The following PHLDB1 variants were observed in gnomAD, a reference collection of about 807,000 sequenced individuals.
The protein encoded by PHLDB1 is pleckstrin homology like domain family B member 1.
A neutral mutation model predicts 139.3 loss-of-function variants in PHLDB1; 65 were observed. The observed-to-expected ratio is 0.47, with a 90% CI of 0.38 to 0.57. PHLDB1 has a LOEUF of 0.57. Ranked by LOEUF, PHLDB1 falls within the 20% of genes least tolerant of loss-of-function variation. The pLI is 0.00. For synonymous variants in PHLDB1, 679 were observed against 734.5 expected (o/e 0.92, Z 1.22); for missense variants, 1,624 against 1,839.7 (o/e 0.88, Z 2.14).
At position 118,650,410 on chromosome 11, in the gene PHLDB1, T is replaced by G; in HGVS notation, c.3772-35T>G. On this transcript the variant is annotated intron_variant, in intron 19 of 22. Transcript: ENST00000600882. This position sits in a 1 kb window ranked among gnomAD's most constrained non-coding sequence, Gnocchi z 4.7. ...ACACACTTAAGGCTTAAGGGCTGCATATTTGGGTCCTTCCTTACTCCTGCT... is the reference window on the plus strand; with the variant it reads ...ACACACTTAAGGCTTAAGGGCTGCAGATTTGGGTCCTTCCTTACTCCTGCT... 1 of 1,407,608 alleles carries G rather than the reference T, an allele frequency of 7.1e-7. No individual in the cohort carries two copies. Among genetic ancestry groups the G allele is most frequent in the Non-Finnish European group, 1.0e-6 (1 of 991,316 alleles). 87.2% of individuals were successfully genotyped at this position (1,407,608 alleles called of 1,614,324 possible).
intron 1 of PHLDB1, among the ~76,000 whole-genome samples, chr11:118,612,249 G>A (rs1940590221): frequency 6.6e-6 from 1 of 151,862 alleles, no homozygotes; most frequent in South Asian, 2.1e-4. Flanking sequence ...ATAAAGTCAG[G>A]GTAGAATTTA....
At position 118,642,292 on chromosome 11, in the gene PHLDB1, G is replaced by A. The variant is rs1193051653; in HGVS notation, c.2775G>A (p.Gln925=). The change falls in exon 13 of 23, where the codon CAG becomes CAA. Residue 925 remains glutamine (Q), a synonymous_variant. Transcript: ENST00000600882. The part of the protein sequence containing the change: ...KLLLPAVDLE[Q]WYQELMAGLG... ...TGCTCCCTGCTGTAGACTTAGAGCAGTGGTACCAGGAGCTGATGGCCGGGC... is the reference window on the plus strand; with the variant it reads ...TGCTCCCTGCTGTAGACTTAGAGCAATGGTACCAGGAGCTGATGGCCGGGC... The A allele has an allele frequency of 6.2e-7, 1 of 1,613,006 alleles. No individual in the cohort carries two copies. The highest frequency in any genetic ancestry group is 1.3e-5 in the African/African-American group (1 of 74,876).
intron 22 of PHLDB1, 73 bp from the exon 23 acceptor site, chr11:118,656,610 A>T (rs748116161): frequency 2.6e-5 from 38 of 1,471,404 alleles, no homozygotes; most frequent in African/African-American, 6.9e-5. Flanking sequence ...GAAAGGGCAG[A>T]TAGGGAGGCA....
chr11:118,626,082 G>T lies in PHLDB1; in HGVS notation c.481+1023G>T, dbSNP rs115656563. Among the ~76,000 whole-genome samples the T allele has an allele frequency of 3.3e-3, 499 of 152,242 alleles. 3 individuals carry two copies. The highest frequency in any genetic ancestry group is 0.012 in the African/African-American group (479 of 41,534). ...GCATGGCAAAAGCAGGCTCTTGCTG[G>T]CATGGCTTAATGGGATAATTGGAGG... is the stretch of plus-strand genomic sequence containing the variant. On this transcript the variant is annotated intron_variant, in intron 5 of 22. Coordinates refer to ENST00000600882, the MANE Select transcript of PHLDB1 (RefSeq NM_001144758.3).
At position 118,650,461 on chromosome 11, in the gene PHLDB1, T is replaced by C. The variant is rs1948188703; in HGVS notation, c.3788T>C (p.Leu1263Ser). ...TCCTACCAGGTCTGCCGTGGCTACT[T>C]GGTCAAGATGGGCGGCAAGATTAAA... ...VLSSKVCRGYLVKMGGKIKSW... is the reference protein window; with the variant it reads ...VLSSKVCRGYSVKMGGKIKSW... The change falls in exon 20 of 23, where the codon TTG becomes TCG. Residue 1263 changes from leucine to serine, a missense_variant. Transcript: ENST00000600882. This position sits in a 1 kb window ranked among gnomAD's most constrained non-coding sequence, Gnocchi z 4.7. 6.2e-7 allele frequency: 1 copy of C among 1,613,850 alleles called. No individual in the cohort carries two copies.
Position 118,642,344 on chromosome 11 carries a change from C to T in PHLDB1, c.2827C>T (p.Pro943Ser), listed in dbSNP as rs1946702348. 5 of 1,611,764 alleles carry T rather than the reference C, an allele frequency of 3.1e-6. No individual in the cohort carries two copies. The highest frequency in any genetic ancestry group is 4.2e-6 in the Non-Finnish European group (5 of 1,179,968). ...GGGGACTGGCCCCGCTGCAGCCTCC[C>T]CTCACTCTTCTCCCCCGCCTCTGCC... ...GLGTGPAAAS[P>S]HSSPPPLPAK... Residue 943 changes from proline to serine, a missense_variant, in exon 13 of 23, where the codon CCT becomes TCT. Coordinates refer to ENST00000600882, the MANE Select transcript of PHLDB1 (RefSeq NM_001144758.3).
At chr11:118,629,952 C>A in intron 6 of PHLDB1, 2 of 1,250,762 alleles carry the variant, frequency 1.6e-6, no homozygotes, top group Non-Finnish European at 2.1e-6. Context: ...CCCACCTCAA[C>A]CAGGCTGCTT....
chr11:118,645,502 T>C lies in PHLDB1; in HGVS notation c.3268T>C (p.Ser1090Pro). 3 of 1,612,488 alleles carry C rather than the reference T, an allele frequency of 1.9e-6. No homozygotes were observed. The highest frequency in any genetic ancestry group is 2.5e-6 in the Non-Finnish European group (3 of 1,179,322). ...GGGCTTCCCCCCTCTCATGCACCAC[T>C]CTATCCTACACCACCTGCCTGCGGG... ...PSGFPPLMHH[S>P]ILHHLPAGRE... Residue 1090 changes from serine (S) to proline (P), a missense_variant, in exon 16 of 23, where the codon TCT becomes CCT. Physicochemically the swap from Ser to Pro is moderately conservative, Grantham distance 74 (BLOSUM62 -1). Coordinates refer to ENST00000600882, the MANE Select transcript of PHLDB1 (RefSeq NM_001144758.3). This position sits in a 1 kb window ranked among gnomAD's most constrained non-coding sequence, Gnocchi z 5.1.
chr11:118,634,851 G>GC (rs1365838563), intron 9 of PHLDB1: 2 of 295,300 alleles, frequency 6.8e-6, no homozygotes, highest in African/African-American at 4.6e-5. Context: ...CCGCTGCCGG[G>GC]CCGGAGTTGA....
intron 4 of PHLDB1, among the ~76,000 whole-genome samples, chr11:118,622,506 T>C (rs1356327363): frequency 6.6e-6 from 1 of 151,570 alleles, no homozygotes. Flanking sequence ...CCGGGGAGGG[T>C]GAAGGGCTGA....
rs148871740 is a variant in PHLDB1 at position 118,655,873 on chromosome 11, G to A, written c.3974G>A (p.Arg1325His). 8,777 of 1,612,142 alleles carry A rather than the reference G, an allele frequency of 5.4e-3. 26 individuals carry two copies. The highest frequency in any genetic ancestry group is 6.7e-3 in the Non-Finnish European group (7,938 of 1,178,334). Reference protein sequence around the residue: ...LRSAAKKRFFRFTMVTESPNP... With the variant: ...LRSAAKKRFFHFTMVTESPNP... ...TCCCCTTCCCAGAAGAGGTTTTTCC[G>A]CTTCACTATGGTGACTGAGGTACCC... Residue 1325 changes from arginine (R) to histidine (H), a missense_variant, in exon 22 of 23, where the codon CGC becomes CAC. Physicochemically the swap from Arg to His is conservative, Grantham distance 29. Coordinates refer to ENST00000600882, the MANE Select transcript of PHLDB1 (RefSeq NM_001144758.3).
At chr11:118,651,105 C>T (rs1948282638) in intron 20 of PHLDB1, 1 of 156,062 alleles carries the variant, frequency 6.4e-6, no homozygotes, top group Non-Finnish European at 1.4e-5. Context: ...CCTGGAACTC[C>T]CTTGTACTTT....
At chr11:118,642,910 G>A (rs1478702846) in intron 13 of PHLDB1, among the ~76,000 whole-genome samples, 2 of 152,258 alleles carry the variant, frequency 1.3e-5, no homozygotes, top group Non-Finnish European at 2.9e-5. Context: ...GAGTTGCCAT[G>A]GAGGGCGTGG....
rs1555089284 is a variant in PHLDB1 at position 118,616,171 on chromosome 11, T to G, written c.315T>G (p.Ile105Met). The change falls in exon 4 of 23, where the codon ATT becomes ATG. Residue 105 changes from isoleucine (I) to methionine (M), a missense_variant. Physicochemically the swap from Ile to Met is conservative, Grantham distance 10 (BLOSUM62 1). Coordinates refer to ENST00000600882, the MANE Select transcript of PHLDB1 (RefSeq NM_001144758.3). ...TLYPCGNACT[I>M]DGLPVRQPTR... The stretch of plus-strand genomic sequence containing the variant: ...ACCCCTGTGGCAATGCCTGCACTAT[T>G]GATGGGCTCCCTGTCCGGCAGCCTA... 6.2e-7 allele frequency: 1 copy of G among 1,614,138 alleles called. No individual in the cohort carries two copies. Among genetic ancestry groups the G allele is most frequent in the Admixed American group, 1.7e-5 (1 of 60,030 alleles).
At chr11:118,639,875 C>T in intron 12 of PHLDB1, 1 of 986,386 alleles carries the variant, frequency 1.0e-6, no homozygotes, top group Non-Finnish European at 1.2e-6. Flanking sequence ...AGCTGCTCAT[C>T]TCCGAGTCCT....
intron 4 of PHLDB1, 119 bp from the exon 5 acceptor site, chr11:118,624,815 G>A (rs1258197205): frequency 1.4e-5 from 14 of 971,624 alleles, no homozygotes; most frequent in South Asian, 1.3e-4. Context: ...TCACCACATT[G>A]GCCAGGCTGG....
rs144530920 is a variant in PHLDB1, at chr11:118,642,360, C to T, written c.2843C>T (p.Pro948Leu). ...PAAASPHSSP[P>L]PLPAKASRQL... is the part of the protein sequence containing the mutation. ...GCAGCCTCCCCTCACTCTTCTCCCCCGCCTCTGCCCGCCAAAGCTTCCCGT... is the reference window on the plus strand; with the variant it reads ...GCAGCCTCCCCTCACTCTTCTCCCCTGCCTCTGCCCGCCAAAGCTTCCCGT... The change falls in exon 13 of 23, where the codon CCG becomes CTG. Residue 948 changes from proline (P) to leucine (L), a missense_variant. Coordinates refer to ENST00000600882, the MANE Select transcript of PHLDB1 (RefSeq NM_001144758.3). 3.9e-3 allele frequency: 6,234 copies of T among 1,610,642 alleles called. 35 individuals carry two copies. The highest frequency in any genetic ancestry group is 0.013 in the South Asian group (1,150 of 91,074).
chr11:118,607,111 G>A (rs552923645), upstream of PHLDB1, among the ~76,000 whole-genome samples: 7 of 152,076 alleles, frequency 4.6e-5, no homozygotes, highest in South Asian at 1.2e-3. Context: ...CTCAGTAGAT[G>A]TTCTGGAGAT....
At chr11:118,624,864 C>T in intron 4 of PHLDB1, 70 bp from the exon 5 acceptor site, 1 of 1,536,986 alleles carries the variant, frequency 6.5e-7, no homozygotes, top group Non-Finnish European at 9.0e-7. Context: ...CCCTCCTCCG[C>T]CTCCAAAAGT....
Sources: allele counts gnomAD v4.1 joint callset (sites outside exome capture counted in the v4.1 genomes callset), GRCh38; gene constraint gnomAD v4.1.1; non-coding constraint Gnocchi (gnomAD v3.1); transcripts MANE v1.5; gene names NCBI Gene and HGNC (gene_info 2026-07-23, HGNC 2026-07-21).